Variants in ERBB4 observed in about 807,000 individuals in gnomAD.
The protein encoded by ERBB4 is receptor tyrosine-protein kinase erbB-4.
Under a neutral mutation model 158.0 loss-of-function variants are expected in ERBB4, and 42 were observed. The ratio of observed to expected loss-of-function variants is 0.27; its 90% CI spans 0.21 to 0.34. The LOEUF (loss-of-function observed/expected upper bound fraction) is 0.34. Among genes scored for constraint, ERBB4 ranks in the 10% least tolerant of loss-of-function variants. ERBB4 has a pLI of 1.00. For synonymous variants in ERBB4, 583 were observed against 558.7 expected (o/e 1.04, Z -0.61); for missense variants, 1,333 against 1,624.1 (o/e 0.82, Z 3.08).
chr2:212,422,761 T>C (rs1460510950), intron 1 of ERBB4, among the ~76,000 whole-genome samples: 1 of 152,210 alleles, frequency 6.6e-6, no homozygotes, highest in African/African-American at 2.4e-5. Context: ...TTTCTTGGCT[T>C]GGTATTAATT....
chr2:212,231,568 G>T (rs1373678039), intron 1 of ERBB4, among the ~76,000 whole-genome samples: 3 of 152,170 alleles, frequency 2.0e-5, no homozygotes, highest in South Asian at 2.1e-4. Context: ...AACATGGACT[G>T]CCAAGGTTTA....
chr2:212,160,152 A>C (rs16847802), intron 1 of ERBB4, among the ~76,000 whole-genome samples: 3,906 of 151,918 alleles, frequency 0.026, 169 homozygotes, highest in African/African-American at 0.088. Flanking sequence ...AATATTTCTT[A>C]TGAACTTTGG....
At position 212,184,226 on chromosome 2, in the gene ERBB4, C is replaced by T. The variant is rs763253598; in HGVS notation, c.83-59323G>A. 1.3e-4 allele frequency among the ~76,000 whole-genome samples: 20 copies of T among 152,098 alleles called. 1 individual carries two copies. Among genetic ancestry groups the T allele is most frequent in the Non-Finnish European group, 2.5e-4 (17 of 67,972 alleles). On this transcript the variant is annotated intron_variant, in intron 1 of 27. Coordinates refer to ENST00000342788, the MANE Select transcript of ERBB4 (RefSeq NM_005235.3). ...CATTTTCAAAACTTTGCTTAAATCT[C>T]GATCCTTCCCTGAAATGACCTGGAC...
chr2:211,649,882 GA>G (rs1407698338), intron 16 of ERBB4, among the ~76,000 whole-genome samples: 2 of 151,858 alleles, frequency 1.3e-5, no homozygotes, highest in Non-Finnish European at 2.9e-5. Context: ...GGCAGAGAAG[GA>G]AATCACTGTA....
chr2:212,157,274 T>C (rs547308249), intron 1 of ERBB4, among the ~76,000 whole-genome samples: 1 of 152,174 alleles, frequency 6.6e-6, no homozygotes, highest in Admixed American at 6.6e-5. Context: ...CTGATGTCTC[T>C]TGTGGGATGT....
intron 3 of ERBB4, among the ~76,000 whole-genome samples, chr2:211,868,712 C>A (rs552540361): frequency 3.7e-4 from 57 of 152,272 alleles, no homozygotes; most frequent in Non-Finnish European, 6.9e-4. Flanking sequence ...CTATACCCTG[C>A]TGCTCTATGT....
chr2:211,735,179 G>C (rs1487918459), intron 5 of ERBB4, among the ~76,000 whole-genome samples: 1 of 151,568 alleles, frequency 6.6e-6, no homozygotes, highest in Non-Finnish European at 1.5e-5. Flanking sequence ...TGATGGGAAG[G>C]CATTATTATT....
At chr2:211,535,276 G>C (rs541958618) in intron 20 of ERBB4, among the ~76,000 whole-genome samples, 2 of 152,112 alleles carry the variant, frequency 1.3e-5, no homozygotes, top group South Asian at 4.1e-4. Context: ...GATCCTGATA[G>C]GTAAGGCGTT....
intron 4 of ERBB4, among the ~76,000 whole-genome samples, chr2:211,769,104 CAT>C (rs1191123062): frequency 1.3e-5 from 2 of 152,178 alleles, no homozygotes; most frequent in East Asian, 3.9e-4. Flanking sequence ...TACCCTAAAT[CAT>C]ATGTCTCAAG....
At chr2:211,712,282 T>A in intron 8 of ERBB4, 106 bp from the exon 9 acceptor site, 3 of 1,076,468 alleles carry the variant, frequency 2.8e-6, no homozygotes, top group Non-Finnish European at 4.1e-6. Flanking sequence ...TTGTAACATA[T>A]AAAATATATT....
At chr2:211,774,073 A>ATTTT (rs113991569) in intron 4 of ERBB4, among the ~76,000 whole-genome samples, 18,687 of 141,884 alleles carry the variant, frequency 0.13, 1,376 homozygotes, top group South Asian at 0.3. Flanking sequence ...ACCCCAACCA[A>ATTTT]TTTTTTTTTT....
At chr2:212,113,372 G>A (rs1314034749) in intron 2 of ERBB4, among the ~76,000 whole-genome samples, 5 of 151,852 alleles carry the variant, frequency 3.3e-5, no homozygotes, top group Non-Finnish European at 5.9e-5. Flanking sequence ...TCAGGAGATC[G>A]AGACCATCCT....
chr2:211,382,990 C>T lies in ERBB4; in HGVS notation c.*625G>A. 1 of 231,960 alleles carries T rather than the reference C, an allele frequency of 4.3e-6. No individual in the cohort carries two copies. Among genetic ancestry groups the T allele is most frequent in the Non-Finnish European group, 8.5e-6 (1 of 117,674 alleles). The allele number at this position is 231,960 out of a possible 1,614,324, so 14.4% of individuals were successfully genotyped here. A position where few individuals can be genotyped will look rare whatever the true frequency, so the allele number is the denominator to read the frequency against. On this transcript the variant is annotated 3_prime_UTR_variant, in exon 28 of 28. Transcript: ENST00000342788. The stretch of plus-strand genomic sequence containing the variant: ...GAAAAAAACCAAAAAGTGTTGAAAA[C>T]ATAATTACTAGTTATAACTTTAATG...
chr2:211,854,666 C>G (rs2077806676), intron 3 of ERBB4, among the ~76,000 whole-genome samples: 1 of 152,076 alleles, frequency 6.6e-6, no homozygotes, highest in Non-Finnish European at 1.5e-5. Flanking sequence ...AGACAGTATT[C>G]CATCCACTTT....
chr2:211,756,976 T>C (rs1277574958), intron 4 of ERBB4, among the ~76,000 whole-genome samples: 1 of 152,200 alleles, frequency 6.6e-6, no homozygotes, highest in Non-Finnish European at 1.5e-5. Flanking sequence ...AAAATATACA[T>C]ATAGCTTTGT....
intron 1 of ERBB4, among the ~76,000 whole-genome samples, chr2:212,311,164 G>T (rs2087028082): frequency 6.6e-6 from 1 of 150,826 alleles, no homozygotes; most frequent in Non-Finnish European, 1.5e-5. Context: ...AAATGAATTT[G>T]TCAAATTAGT....
chr2:211,709,244 TATATATACAC>T (rs1162430773), intron 9 of ERBB4, among the ~76,000 whole-genome samples: 4 of 90,882 alleles, frequency 4.4e-5, no homozygotes, highest in Non-Finnish European at 8.1e-5. Context: ...TGTATATATA[TATATATACAC>T]ATATATATAT....
chr2:212,306,804 A>C (rs891102913), intron 1 of ERBB4, among the ~76,000 whole-genome samples: 4 of 151,286 alleles, frequency 2.6e-5, no homozygotes, highest in Admixed American at 6.6e-5. Flanking sequence ...ATGAAGAGTT[A>C]CTTACAAATT....
chr2:211,528,948 T>C (rs1391090293), intron 20 of ERBB4, among the ~76,000 whole-genome samples: 2 of 150,818 alleles, frequency 1.3e-5, no homozygotes, highest in Non-Finnish European at 3.0e-5. Flanking sequence ...TTTAAAGAAA[T>C]AGAAAAGCAA....
Sources: gnomAD v4.1 joint callset for allele counts (sites outside exome capture counted in the v4.1 genomes callset) on GRCh38, gnomAD v4.1.1 for gene constraint, MANE v1.5 for transcripts, NCBI Gene and HGNC (gene_info 2026-07-23, HGNC 2026-07-21) for gene names.